DNAH9: variants seen among roughly 807,000 people sequenced by gnomAD.
DNAH9 encodes dynein axonemal heavy chain 9, also known as DNAH9 variant protein.
Under a neutral mutation model 471.6 loss-of-function variants are expected in DNAH9, and 345 were observed. The observed-to-expected ratio is 0.73, with a 90% CI of 0.67 to 0.80. DNAH9 has a LOEUF of 0.80. DNAH9 is among the 30% of genes least tolerant of loss of function. The probability of loss-of-function intolerance (pLI) is 0.00; values close to 1 mark genes in which losing one functional copy is unlikely to be tolerated. For synonymous variants in DNAH9, 2,093 were observed against 2,123.6 expected (o/e 0.99, Z 0.40); for missense variants, 5,407 against 5,609.2 (o/e 0.96, Z 1.15).
intron 8 of DNAH9, among the ~76,000 whole-genome samples, chr17:11,635,370 C>T (rs1389130181): frequency 7.9e-6 from 1 of 127,202 alleles, no homozygotes; most frequent in East Asian, 2.3e-4. Flanking sequence ...TTAGTAGAGA[C>T]GGGTTTTGCC....
At chr17:11,895,624 A>G (rs574826512) in intron 59 of DNAH9, among the ~76,000 whole-genome samples, 21 of 152,322 alleles carry the variant, frequency 1.4e-4, no homozygotes, top group African/African-American at 5.1e-4. Context: ...CATTGATACA[A>G]TCCAGAAAGT....
intron 6 of DNAH9, among the ~76,000 whole-genome samples, chr17:11,622,968 C>CTTTTTT (rs10551080): frequency 1.7e-4 from 18 of 105,354 alleles, no homozygotes; most frequent in African/African-American, 3.4e-4. Flanking sequence ...TTTTCTTTTT[C>CTTTTTT]TTTTTTTTTT....
intron 1 of DNAH9, among the ~76,000 whole-genome samples, chr17:11,606,749 C>G (rs1159308984): frequency 6.6e-6 from 1 of 152,116 alleles, no homozygotes; most frequent in Non-Finnish European, 1.5e-5. Context: ...CTAATTTAAA[C>G]TAGCTTGGAA....
chr17:11,916,483 G>GT (rs1446264922), intron 61 of DNAH9, among the ~76,000 whole-genome samples: 1 of 152,088 alleles, frequency 6.6e-6, no homozygotes, highest in Non-Finnish European at 1.5e-5. Flanking sequence ...ATATATTCTG[G>GT]TGACATCCAC....
intron 8 of DNAH9, among the ~76,000 whole-genome samples, chr17:11,635,345 T>TA (rs1303460977): frequency 1.6e-5 from 2 of 123,692 alleles, no homozygotes; most frequent in African/African-American, 5.9e-5. Flanking sequence ...TTTTTTTTTT[T>TA]TTTTTTTTTT....
chr17:11,846,014 C>T (rs1345611303), intron 49 of DNAH9, among the ~76,000 whole-genome samples: 1 of 151,936 alleles, frequency 6.6e-6, no homozygotes, highest in Non-Finnish European at 1.5e-5. Flanking sequence ...TAATTACATC[C>T]CATTTGTCAG....
intron 27 of DNAH9, among the ~76,000 whole-genome samples, chr17:11,722,289 T>G (rs1311833741): frequency 6.6e-6 from 1 of 152,156 alleles, no homozygotes; most frequent in Non-Finnish European, 1.5e-5. Context: ...TGAAAGCCAC[T>G]GAAAGCATCT....
At chr17:11,918,731 A>T (rs11078045) in intron 61 of DNAH9, among the ~76,000 whole-genome samples, 47,421 of 149,636 alleles carry the variant, frequency 0.32, 8,588 homozygotes, top group Middle Eastern at 0.44. Context: ...CATGCCTATA[A>T]TCCCAGCACT....
At chr17:11,718,174 G>A (rs778056761) in intron 26 of DNAH9, among the ~76,000 whole-genome samples, 1 of 152,168 alleles carries the variant, frequency 6.6e-6, no homozygotes, top group Non-Finnish European at 1.5e-5. Flanking sequence ...ACTACACCCG[G>A]CCTGACAACA....
At chr17:11,852,414 C>T (rs556003033) in intron 49 of DNAH9, among the ~76,000 whole-genome samples, 4 of 152,188 alleles carry the variant, frequency 2.6e-5, no homozygotes, top group African/African-American at 4.8e-5. Context: ...GCTTAGCTGT[C>T]TGACCCATGA....
At chr17:11,965,100 G>A (rs972501291) in intron 68 of DNAH9, among the ~76,000 whole-genome samples, 1 of 152,144 alleles carries the variant, frequency 6.6e-6, no homozygotes, top group Non-Finnish European at 1.5e-5. Context: ...TGGCCATAGG[G>A]GGCTTTGAAA....
In DNAH9 at chr17:11,638,453, C is replaced by T. The variant is rs111502732; in HGVS notation, c.1786+1669C>T. On this transcript the variant is annotated intron_variant, in intron 9 of 68. Coordinates refer to ENST00000262442, the MANE Select transcript of DNAH9 (RefSeq NM_001372.4). ...AGACTGGAGTGCAGTGGCACGATCT[C>T]GGCTCATTGCAATCTCTGCATTCCC... Among the ~76,000 whole-genome samples the T allele has an allele frequency of 2.2e-3, 341 of 152,184 alleles. 1 individual carries two copies. Among genetic ancestry groups the T allele is most frequent in the African/African-American group, 7.1e-3 (294 of 41,536 alleles).
Position 11,891,888 on chromosome 17 carries a change from A to C in DNAH9, c.11224A>C (p.Thr3742Pro). ...CATAACCTTCTCTGTGTACCAGTAC[A>C]CCATCCGCGGGCTCTTTGAGTGTGA... is the stretch of plus-strand genomic sequence containing the variant. ...DSITFSVYQY[T>P]IRGLFECDKL... is the part of the protein sequence containing the mutation. The change falls in exon 58 of 69, where the codon ACC becomes CCC. Residue 3742 changes from threonine (T) to proline (P), a missense_variant. Physicochemically the swap from Thr to Pro is conservative, Grantham distance 38. This residue lies in a region of DNAH9 where 4,636 missense variants were observed against 4,900.3 expected (regional missense o/e 0.95). Transcript: ENST00000262442. The C allele has an allele frequency of 6.2e-7, 1 of 1,614,094 alleles. No individual in the cohort carries two copies. Among genetic ancestry groups the C allele is most frequent in the South Asian group, 1.1e-5 (1 of 91,072 alleles).
chr17:11,886,623 A>G (rs1213288785), intron 56 of DNAH9, among the ~76,000 whole-genome samples: 1 of 151,414 alleles, frequency 6.6e-6, no homozygotes, highest in Non-Finnish European at 1.5e-5. Flanking sequence ...CTCCGAAAGC[A>G]CTAGAAGTTT....
intron 42 of DNAH9, among the ~76,000 whole-genome samples, chr17:11,795,400 T>C (rs1470689840): frequency 6.6e-6 from 1 of 152,228 alleles, no homozygotes; most frequent in African/African-American, 2.4e-5. Flanking sequence ...TGTATTTAGG[T>C]ATGCTATGTT....
intron 48 of DNAH9, among the ~76,000 whole-genome samples, chr17:11,833,763 G>C (rs1368232336): frequency 2.0e-5 from 3 of 152,240 alleles, no homozygotes; most frequent in South Asian, 2.1e-4. Flanking sequence ...TCCTAAGCAG[G>C]TTGCTTCAGA....
chr17:11,608,918 T>C (rs2072567130), intron 2 of DNAH9, among the ~76,000 whole-genome samples: 1 of 152,198 alleles, frequency 6.6e-6, no homozygotes, highest in Non-Finnish European at 1.5e-5. Flanking sequence ...CTTTTAGAAG[T>C]TGAATCCACC....
chr17:11,860,935 GCA>G (rs1220087320), intron 50 of DNAH9, among the ~76,000 whole-genome samples: 2 of 152,122 alleles, frequency 1.3e-5, no homozygotes, highest in Non-Finnish European at 1.5e-5. Context: ...CTTTGTGTAT[GCA>G]CAGTTTCCCC....
At chr17:11,785,443 C>T (rs1372115682) in intron 41 of DNAH9, among the ~76,000 whole-genome samples, 1 of 152,136 alleles carries the variant, frequency 6.6e-6, no homozygotes, top group African/African-American at 2.4e-5. Flanking sequence ...ATTATGCAGG[C>T]AGGACTTTGA....
Sources: allele counts gnomAD v4.1 joint callset (sites outside exome capture counted in the v4.1 genomes callset), GRCh38; gene constraint gnomAD v4.1.1; regional missense constraint gnomAD v4.1.1; transcripts MANE v1.5; gene names NCBI Gene and HGNC (gene_info 2026-07-23, HGNC 2026-07-21).